Variants in WASHC4 observed in about 807,000 individuals in gnomAD.
WASHC4 encodes the protein WASH complex subunit 7.
A neutral mutation model predicts 166.6 loss-of-function variants in WASHC4; 86 were observed. The ratio of observed to expected loss-of-function variants is 0.52; its 90% CI spans 0.43 to 0.62. The LOEUF (loss-of-function observed/expected upper bound fraction) is 0.62, where lower values mean the gene tolerates loss of function less well. Ranked by LOEUF, WASHC4 falls within the 20% of genes least tolerant of loss-of-function variation. The pLI, the probability that WASHC4 is intolerant of heterozygous loss-of-function variation, is 0.00. For missense variants in WASHC4, 1,262 were observed against 1,382.4 expected (o/e 0.91, Z 1.38); for synonymous variants, 446 against 451.6 (o/e 0.99, Z 0.16).
rs184001547 is a variant in WASHC4 at position 105,126,036 on chromosome 12, T to C, written c.819T>C (p.Asn273=). ...TAGAACAACAATTTGATTCTCTCAA[T>C]GGAGGAGTATCTGTGTCAAAAAATA... The part of the protein sequence containing the change: ...ACIEQQFDSL[N]GGVSVSKNST... The change falls in exon 11 of 33, where the codon AAT becomes AAC. Residue 273 remains asparagine, a synonymous_variant. Coordinates refer to ENST00000332180, the MANE Select transcript of WASHC4 (RefSeq NM_015275.3). 1.1e-5 allele frequency: 17 copies of C among 1,612,564 alleles called. No individual in the cohort carries two copies. The East Asian group carries it at 2.2e-4, about 21-fold the overall frequency.
Position 105,162,740 on chromosome 12 carries a change from T to C in WASHC4, c.3061-9T>C, listed in dbSNP as rs1884575103. On this transcript the variant is annotated splice_polypyrimidine_tract_variant and intron_variant, in intron 29 of 32. Coordinates refer to ENST00000332180, the MANE Select transcript of WASHC4 (RefSeq NM_015275.3). ...ATTGTTTTTCTAACATGTTGTTACATCTTTTTAGACCCTCAACTTTGTAGA... is the reference window on the plus strand; with the variant it reads ...ATTGTTTTTCTAACATGTTGTTACACCTTTTTAGACCCTCAACTTTGTAGA... The C allele has an allele frequency of 2.7e-6, 4 of 1,455,678 alleles. No homozygotes were observed. In the South Asian group the frequency reaches 4.6e-5, roughly 17 times the overall value. 90.2% of individuals were successfully genotyped at this position (1,455,678 alleles called of 1,614,324 possible). A position where few individuals can be genotyped will look rare whatever the true frequency, so the allele number is the denominator to read the frequency against.
At chr12:105,114,095 T>C (rs1592841086) in intron 2 of WASHC4, 121 bp from the exon 3 acceptor site, 1 of 798,442 alleles carries the variant, frequency 1.3e-6, no homozygotes. Flanking sequence ...GATATGGTGC[T>C]AATGTTGAGT....
chr12:105,145,191 C>G (rs888974249), intron 22 of WASHC4, among the ~76,000 whole-genome samples: 1 of 151,320 alleles, frequency 6.6e-6, no homozygotes, highest in Non-Finnish European at 1.5e-5. Flanking sequence ...TTAAGAAGTT[C>G]AAAGTCACAT....
In WASHC4 at chr12:105,126,339, T is replaced by A; in HGVS notation, c.1015T>A (p.Ser339Thr). Residue 339 changes from serine (S) to threonine (T), a missense_variant, in exon 12 of 33, where the codon TCT becomes ACT. Transcript: ENST00000332180. ...FRTIDKKFYK[S>T]LLDICKKVPA... is the part of the protein sequence containing the mutation. ...AACTATTGATAAAAAGTTTTATAAG[T>A]CTTTATTGGACATTTGTAAGAAGGT... 6.3e-7 allele frequency: 1 copy of A among 1,588,168 alleles called. No individual in the cohort carries two copies. Among genetic ancestry groups the A allele is most frequent in the African/African-American group, 1.3e-5 (1 of 74,504 alleles).
At chr12:105,135,053 A>G (rs1274763061) in intron 14 of WASHC4, among the ~76,000 whole-genome samples, 4 of 151,980 alleles carry the variant, frequency 2.6e-5, no homozygotes, top group African/African-American at 7.2e-5. Flanking sequence ...TAGTTTTACC[A>G]CTTTCCTGAC....
chr12:105,114,467 C>G (rs753641225), intron 4 of WASHC4, 40 bp downstream of exon 4: 6 of 1,135,926 alleles, frequency 5.3e-6, no homozygotes, highest in Non-Finnish European at 7.4e-6. Flanking sequence ...TTAAAAACAT[C>G]ATTTAGAAGC....
At position 105,142,548 on chromosome 12, in the gene WASHC4, C is replaced by T. The variant is rs1592893110; in HGVS notation, c.1883C>T (p.Ala628Val). 1.3e-6 allele frequency: 2 copies of T among 1,540,504 alleles called. No individual in the cohort carries two copies. The highest frequency in any genetic ancestry group is 1.8e-6 in the Non-Finnish European group (2 of 1,114,696). ...DDVYENAVDA[A>V]RLHYMFSALR... ...GTATATGAAAATGCTGTTGATGCAG[C>T]CAGATTACATGTAAGTAAAGAACAA... is the stretch of plus-strand genomic sequence containing the variant. The change falls in exon 19 of 33, where the codon GCC becomes GTC. Residue 628 changes from alanine to valine, a missense_variant. By Grantham distance (64) the Ala-to-Val change is moderately conservative. Coordinates refer to ENST00000332180, the MANE Select transcript of WASHC4 (RefSeq NM_015275.3).
chr12:105,113,175 C>T (rs1592839584), intron 2 of WASHC4, among the ~76,000 whole-genome samples: 1 of 151,980 alleles, frequency 6.6e-6, no homozygotes, highest in African/African-American at 2.4e-5. Context: ...TGTACTATCT[C>T]TGAGGGTAAT....
intron 26 of WASHC4, among the ~76,000 whole-genome samples, chr12:105,154,703 GTAACA>G (rs1298079681): frequency 3.9e-5 from 6 of 152,140 alleles, no homozygotes; most frequent in Non-Finnish European, 7.4e-5. Flanking sequence ...ATACAGAGAG[GTAACA>G]TAACATAATT....
At chr12:105,145,898 T>A (rs1008713547) in intron 22 of WASHC4, among the ~76,000 whole-genome samples, 3 of 152,060 alleles carry the variant, frequency 2.0e-5, no homozygotes, top group African/African-American at 7.2e-5. Context: ...AGCATAACAG[T>A]TTGGAATTAG....
chr12:105,131,082 A>AT (rs910009603), intron 13 of WASHC4, among the ~76,000 whole-genome samples: 68 of 148,724 alleles, frequency 4.6e-4, no homozygotes, highest in Admixed American at 8.7e-4. Flanking sequence ...TTATTTATTT[A>AT]TTTTTTTTTT....
In WASHC4 at chr12:105,168,344, ATAGAT is replaced by A. The variant is rs1362927966; in HGVS notation, c.*1416_*1420del. Reference sequence around the variant, plus strand: ...TGGCTTACAGAATTATGAACAGTGGATAGATTAAAGGCATTTAATATTTGTAATTC... The same window carrying A: ...TGGCTTACAGAATTATGAACAGTGGATAAAGGCATTTAATATTTGTAATTC... On this transcript the variant is annotated 3_prime_UTR_variant, in exon 33 of 33. Coordinates refer to ENST00000332180, the MANE Select transcript of WASHC4 (RefSeq NM_015275.3). The A allele has an allele frequency of 2.0e-5, 3 of 152,668 alleles. No individual in the cohort carries two copies. Among genetic ancestry groups the A allele is most frequent in the East Asian group, 3.9e-4 (2 of 5,192 alleles). The allele number at this position is 152,668 out of a possible 1,614,324, so 9.5% of individuals were successfully genotyped here. A position where few individuals can be genotyped will look rare whatever the true frequency, so the allele number is the denominator to read the frequency against.
At chr12:105,138,068 A>G in intron 15 of WASHC4, 57 bp downstream of exon 15, 3 of 1,557,134 alleles carry the variant, frequency 1.9e-6, no homozygotes, top group Admixed American at 1.8e-5. Context: ...CCAGGCTTAA[A>G]TTAGGATAAT....
rs773131224 is a variant in WASHC4 at position 105,144,763 on chromosome 12, CTG to C, written c.2227_2228del (p.Val743SerfsTer4). The C allele has an allele frequency of 5.6e-6, 9 of 1,611,894 alleles. No homozygotes were observed. Among genetic ancestry groups the C allele is most frequent in the Non-Finnish European group, 7.6e-6 (9 of 1,178,600 alleles). ...GACAAGACTTTCTACAATCTAACAA[CTG>C]TAGCCCTTCATGACTGGGCCACTTA... On this transcript the variant is annotated frameshift_variant, in exon 22 of 33. Coordinates refer to ENST00000332180, the MANE Select transcript of WASHC4 (RefSeq NM_015275.3). LOFTEE classifies it high-confidence loss of function.
At position 105,137,883 on chromosome 12, in the gene WASHC4, C is replaced by T. The variant is rs748971934; in HGVS notation, c.1327-3C>T. On this transcript the variant is annotated splice_region_variant and splice_polypyrimidine_tract_variant and intron_variant, in intron 14 of 32. Transcript: ENST00000332180. ...TGATTATAATCAATGTTTTCCTTTA[C>T]AGGGCTTCTTGTATGCATATAGTAT... 6 of 1,600,818 alleles carry T rather than the reference C, an allele frequency of 3.7e-6. No homozygotes were observed. Among genetic ancestry groups the T allele is most frequent in the South Asian group, 3.3e-5 (3 of 90,622 alleles).
At chr12:105,109,283 T>C (rs1054109593) in intron 1 of WASHC4, among the ~76,000 whole-genome samples, 5 of 152,040 alleles carry the variant, frequency 3.3e-5, no homozygotes, top group Non-Finnish European at 5.9e-5. Context: ...TCAAAAAAAA[T>C]TGGAATAGAG....
In WASHC4 at chr12:105,107,834, T is replaced by C; in HGVS notation, c.34T>C (p.Phe12Leu). The change falls in exon 1 of 33, where the codon TTT becomes CTT. Residue 12 changes from phenylalanine (F) to leucine (L), a missense_variant. By Grantham distance (22) the Phe-to-Leu change is conservative (BLOSUM62 0). Coordinates refer to ENST00000332180, the MANE Select transcript of WASHC4 (RefSeq NM_015275.3). ...AVETLSPDWE[F>L]DRVDDGSQKI... is the part of the protein sequence containing the mutation. Reference sequence around the variant, plus strand: ...GGAGACTCTGTCCCCGGACTGGGAGTTTGACCGCGTTGACGACGGCTCGCA... The same window carrying C: ...GGAGACTCTGTCCCCGGACTGGGAGCTTGACCGCGTTGACGACGGCTCGCA... The C allele has an allele frequency of 1.3e-6, 2 of 1,550,284 alleles. No homozygotes were observed. Among genetic ancestry groups the C allele is most frequent in the African/African-American group, 1.4e-5 (1 of 72,880 alleles).
At position 105,148,675 on chromosome 12, in the gene WASHC4, G is replaced by A. The variant is rs141195313; in HGVS notation, c.2515-940G>A. 3.9e-5 allele frequency: 38 copies of A among 985,270 alleles called. No individual in the cohort carries two copies. In the South Asian group the frequency reaches 1.1e-3, roughly 28 times the overall value. The allele number at this position is 985,270 out of a possible 1,614,324, so 61.0% of individuals were successfully genotyped here. On this transcript the variant is annotated intron_variant, in intron 24 of 32. Coordinates refer to ENST00000332180, the MANE Select transcript of WASHC4 (RefSeq NM_015275.3). ...TGTTTAAGCTACAAGATAAGTTCCC[G>A]AAAATCATTTGTTTCCATAATTGGG...
chr12:105,155,523 C>T (rs1201245927), intron 26 of WASHC4, among the ~76,000 whole-genome samples: 9 of 149,694 alleles, frequency 6.0e-5, no homozygotes, highest in African/African-American at 2.0e-4. Context: ...GGGTGGAAAG[C>T]CATTACAGCA....
Sources: gnomAD v4.1 joint callset for allele counts (sites outside exome capture counted in the v4.1 genomes callset) on GRCh38, gnomAD v4.1.1 for gene constraint, MANE v1.5 for transcripts, NCBI Gene and HGNC (gene_info 2026-07-23, HGNC 2026-07-21) for gene names.